Variants in LRP1B observed in about 807,000 individuals in gnomAD.
LRP1B encodes the protein LDL receptor related protein 1B, also known as low-density lipoprotein receptor-related protein 1B.
LRP1B carries 217 observed loss-of-function variants against 556.6 expected under a neutral mutation model. That is an observed-to-expected ratio of 0.39 (90% CI 0.35 to 0.44). The LOEUF is 0.44. Among genes scored for constraint, LRP1B ranks in the 20% least tolerant of loss-of-function variants. The pLI, the probability that LRP1B is intolerant of heterozygous loss-of-function variation, is 1.00. For synonymous variants in LRP1B, 2,047 were observed against 1,865.8 expected, an observed-to-expected ratio of 1.10 and a Z score of -2.50; for missense variants, 5,053 against 5,620.8, an observed-to-expected ratio of 0.90 and a Z score of 3.23.
At chr2:141,984,104 C>T (rs1420511739) in intron 1 of LRP1B, among the ~76,000 whole-genome samples, 1 of 152,064 alleles carries the variant, frequency 6.6e-6, no homozygotes, top group African/African-American at 2.4e-5. Context: ...GTCCAGCCTG[C>T]TGGAGTGGCA....
At chr2:140,991,709 T>A (rs756186093) in intron 16 of LRP1B, among the ~76,000 whole-genome samples, 20 of 152,154 alleles carry the variant, frequency 1.3e-4, no homozygotes, top group Non-Finnish European at 2.5e-4. Context: ...AATGTTTAAC[T>A]CCAAATGGCT....
intron 1 of LRP1B, among the ~76,000 whole-genome samples, chr2:142,071,753 C>A (rs1705319065): frequency 6.6e-6 from 1 of 151,900 alleles, no homozygotes; most frequent in Non-Finnish European, 1.5e-5. Flanking sequence ...TCTCTTCTTT[C>A]TCTACATGAT....
intron 84 of LRP1B, among the ~76,000 whole-genome samples, chr2:140,285,368 C>CAT (rs1006323474): frequency 1.3e-5 from 2 of 150,172 alleles, no homozygotes; most frequent in Non-Finnish European, 1.5e-5. Context: ...TATACACATA[C>CAT]ATATATATAC....
At chr2:141,492,887 T>G (rs1683384971) in intron 2 of LRP1B, among the ~76,000 whole-genome samples, 1 of 152,138 alleles carries the variant, frequency 6.6e-6, no homozygotes, top group Non-Finnish European at 1.5e-5. Flanking sequence ...TCTTCAAAAT[T>G]TAATTTCTTA....
intron 7 of LRP1B, among the ~76,000 whole-genome samples, chr2:141,106,243 T>C (rs1700599216): frequency 6.6e-6 from 1 of 152,202 alleles, no homozygotes; most frequent in South Asian, 2.1e-4. Context: ...TCATTTTGTA[T>C]TCTAAATAGT....
chr2:141,686,447 T>C (rs1314062827), intron 2 of LRP1B, among the ~76,000 whole-genome samples: 1 of 152,002 alleles, frequency 6.6e-6, no homozygotes, highest in Non-Finnish European at 1.5e-5. Flanking sequence ...CTAGTTCTAA[T>C]AATGGTTTAC....
chr2:140,231,947 TCA>T lies in LRP1B; in HGVS notation c.*1237_*1238del, dbSNP rs1475288935. On this transcript the variant is annotated 3_prime_UTR_variant, in exon 91 of 91. Transcript: ENST00000389484. The stretch of plus-strand genomic sequence containing the variant: ...ACAACTTAAATAAATCGCACTCGTT[TCA>T]ACTCAAATTTGAAGATAAACAAACC... 1 of 151,726 alleles carries T rather than the reference TCA, an allele frequency of 6.6e-6. No individual in the cohort carries two copies. Among genetic ancestry groups the T allele is most frequent in the Non-Finnish European group, 1.5e-5 (1 of 67,540 alleles). 9.4% of individuals were successfully genotyped at this position (151,726 alleles called of 1,614,324 possible).
intron 35 of LRP1B, among the ~76,000 whole-genome samples, chr2:140,737,592 C>A (rs1687988914): frequency 1.3e-5 from 2 of 152,164 alleles, no homozygotes; most frequent in Admixed American, 1.3e-4. Context: ...GAAGTAAGAG[C>A]AATCACAGTG....
At chr2:141,701,767 G>C (rs571356107) in intron 2 of LRP1B, among the ~76,000 whole-genome samples, 2 of 151,950 alleles carry the variant, frequency 1.3e-5, no homozygotes, top group African/African-American at 2.4e-5. Context: ...ACTAACACGG[G>C]AAGTTGACTA....
At chr2:141,574,440 T>G (rs1412813331) in intron 2 of LRP1B, among the ~76,000 whole-genome samples, 1 of 152,160 alleles carries the variant, frequency 6.6e-6, no homozygotes, top group African/African-American at 2.4e-5. Context: ...TGATGGAACA[T>G]ATCTCAAAAT....
intron 3 of LRP1B, among the ~76,000 whole-genome samples, chr2:141,389,014 T>C (rs1689949224): frequency 6.6e-6 from 1 of 152,134 alleles, no homozygotes; most frequent in Non-Finnish European, 1.5e-5. Flanking sequence ...TGGAATCATA[T>C]CCGTGTTCAT....
chr2:141,394,476 A>G (rs1690169618), intron 3 of LRP1B, among the ~76,000 whole-genome samples: 1 of 152,108 alleles, frequency 6.6e-6, no homozygotes, highest in Non-Finnish European at 1.5e-5. Context: ...AATATGTTAA[A>G]AAAAATCTTT....
intron 86 of LRP1B, among the ~76,000 whole-genome samples, chr2:140,262,026 G>A (rs138040851): frequency 1.3e-5 from 2 of 151,800 alleles, no homozygotes; most frequent in East Asian, 3.9e-4. Context: ...GTATCCTTAG[G>A]TATATAGAGA....
chr2:140,489,730 G>A (rs550266979), intron 57 of LRP1B, among the ~76,000 whole-genome samples: 2 of 152,064 alleles, frequency 1.3e-5, no homozygotes, highest in Admixed American at 6.6e-5. Flanking sequence ...GGCAATTCAG[G>A]TGGCTAAATT....
At chr2:140,571,070 G>A (rs1319630188) in intron 43 of LRP1B, among the ~76,000 whole-genome samples, 2 of 151,836 alleles carry the variant, frequency 1.3e-5, no homozygotes, top group Admixed American at 1.3e-4. Context: ...AAGCAAAGCT[G>A]AAAGCTTTTT....
chr2:140,295,442 A>G (rs1421532370), intron 84 of LRP1B, among the ~76,000 whole-genome samples: 1 of 152,164 alleles, frequency 6.6e-6, no homozygotes, highest in African/African-American at 2.4e-5. Flanking sequence ...CAAGATACTA[A>G]GTGTTATGCT....
At chr2:141,857,507 A>C (rs989711259) in intron 1 of LRP1B, among the ~76,000 whole-genome samples, 1 of 151,728 alleles carries the variant, frequency 6.6e-6, no homozygotes, top group Non-Finnish European at 1.5e-5. Context: ...TAAATTAAAA[A>C]AAAAATTTTT....
intron 2 of LRP1B, among the ~76,000 whole-genome samples, chr2:141,666,289 GAGA>G (rs2105404242): frequency 6.6e-6 from 1 of 152,300 alleles, no homozygotes; most frequent in South Asian, 2.1e-4. Context: ...AAATCAGTGT[GAGA>G]AGCAGGGTGG....
At position 141,299,789 on chromosome 2, in the gene LRP1B, T is replaced by G. The variant is rs558933351; in HGVS notation, c.344-45148A>C. ...AGTAAAATGAAAATAAGAATAATAC[T>G]TATATCAAGTGGCTGAATCAGAATG... On this transcript the variant is annotated intron_variant, in intron 3 of 90. Transcript: ENST00000389484. Among the ~76,000 whole-genome samples the G allele has an allele frequency of 1.1e-4, 16 of 152,312 alleles. No homozygotes were observed. In the South Asian group the frequency reaches 3.3e-3, roughly 32 times the overall value.
Sources: gnomAD v4.1 joint callset for allele counts (sites outside exome capture counted in the v4.1 genomes callset) on GRCh38, gnomAD v4.1.1 for gene constraint, MANE v1.5 for transcripts, NCBI Gene and HGNC (gene_info 2026-07-23, HGNC 2026-07-21) for gene names.